Variants in DENND6A observed in about 807,000 individuals in gnomAD.
DENND6A encodes DENN domain containing 6A, also known as protein DENND6A.
Under a neutral mutation model 95.5 loss-of-function variants are expected in DENND6A, and 43 were observed. The observed-to-expected ratio is 0.45, with a 90% CI of 0.35 to 0.58. The LOEUF is 0.58. DENND6A is among the 20% of genes least tolerant of loss of function. The pLI, the probability that DENND6A is intolerant of heterozygous loss-of-function variation, is 0.00. For missense variants in DENND6A, 574 were observed against 736.0 expected, an observed-to-expected ratio of 0.78 and a Z score of 2.55; for synonymous variants, 257 against 260.4, an observed-to-expected ratio of 0.99 and a Z score of 0.13.
intron 15 of DENND6A, among the ~76,000 whole-genome samples, chr3:57,632,028 T>G (rs2070693612): frequency 7.8e-6 from 1 of 128,250 alleles, no homozygotes; most frequent in African/African-American, 2.9e-5. Context: ...GGCCTTTTTT[T>G]TTTTTTTTTT....
At chr3:57,650,439 C>A (rs2071181327) in intron 9 of DENND6A, among the ~76,000 whole-genome samples, 1 of 151,714 alleles carries the variant, frequency 6.6e-6, no homozygotes, top group Non-Finnish European at 1.5e-5. Context: ...CACACACACA[C>A]ACACACATAC....
In DENND6A at chr3:57,627,131, A is replaced by C. The variant is rs2070548844; in HGVS notation, c.*1083T>G. Reference sequence around the variant, plus strand: ...AGTTTAAACATTTAATAATATTTAAATTAGTATTTATTTAATTTTTTATTT... The same window carrying C: ...AGTTTAAACATTTAATAATATTTAACTTAGTATTTATTTAATTTTTTATTT... On this transcript the variant is annotated 3_prime_UTR_variant, in exon 20 of 20. Transcript: ENST00000311128. 6.6e-6 allele frequency: 1 copy of C among 152,110 alleles called. No homozygotes were observed. Among genetic ancestry groups the C allele is most frequent in the Non-Finnish European group, 1.5e-5 (1 of 68,028 alleles). The allele number at this position is 152,110 out of a possible 1,614,324, so 9.4% of individuals were successfully genotyped here.
chr3:57,673,213 C>CAAAAAAAAAAAAA (rs386396751), intron 1 of DENND6A, among the ~76,000 whole-genome samples: 2 of 70,632 alleles, frequency 2.8e-5, no homozygotes, highest in Non-Finnish European at 2.4e-5. Context: ...CATTTCGTAT[C>CAAAAAAAAAAAAA]AAAAAAAAAA....
intron 18 of DENND6A, among the ~76,000 whole-genome samples, chr3:57,629,369 A>G (rs1053819721): frequency 1.3e-5 from 2 of 152,182 alleles, no homozygotes; most frequent in South Asian, 4.1e-4. Flanking sequence ...GTTTATGAGT[A>G]GAAAGTTAAC....
chr3:57,667,230 A>G (rs554824472), intron 3 of DENND6A, among the ~76,000 whole-genome samples: 2 of 152,156 alleles, frequency 1.3e-5, no homozygotes, highest in South Asian at 4.1e-4. Flanking sequence ...GGGTTTCACC[A>G]TGTTGGCCAG....
intron 1 of DENND6A, among the ~76,000 whole-genome samples, chr3:57,687,039 C>A (rs1357258100): frequency 1.3e-5 from 2 of 152,026 alleles, no homozygotes; most frequent in Non-Finnish European, 2.9e-5. Flanking sequence ...TTCTTTTTTT[C>A]TATGCAACAG....
intron 14 of DENND6A, 31 bp from the exon 15 acceptor site, chr3:57,633,385 T>A: frequency 6.4e-7 from 1 of 1,550,656 alleles, no homozygotes. Context: ...GAATCTGTAT[T>A]CTAGTGTTGG....
chr3:57,691,669 CAAAAA>C (rs71091304), intron 1 of DENND6A, among the ~76,000 whole-genome samples: 11 of 93,590 alleles, frequency 1.2e-4, no homozygotes, highest in South Asian at 3.7e-4. Context: ...TCACCAATAC[CAAAAA>C]AAAAAAAAAA....
chr3:57,676,846 C>CA (rs1325059423), intron 1 of DENND6A, among the ~76,000 whole-genome samples: 2 of 151,748 alleles, frequency 1.3e-5, no homozygotes, highest in African/African-American at 4.8e-5. Context: ...TTTTTTGAGA[C>CA]AGAGTCTCGC....
At chr3:57,634,416 G>C (rs1311313271) in intron 14 of DENND6A, 142 bp downstream of exon 14, 2 of 364,678 alleles carry the variant, frequency 5.5e-6, no homozygotes, top group African/African-American at 4.9e-5. Flanking sequence ...CTGGGTGATA[G>C]AGTGAGACTC....
intron 9 of DENND6A, among the ~76,000 whole-genome samples, chr3:57,653,701 G>A (rs1263922084): frequency 6.9e-6 from 1 of 144,632 alleles, no homozygotes; most frequent in Non-Finnish European, 1.5e-5. Flanking sequence ...AGCCGAGATC[G>A]CACCACTGCA....
rs776728330 is a variant in DENND6A at position 57,633,352 on chromosome 3, A to G, written c.1266T>C (p.Gly422=). ...CCTCAGAAGGACGTTTCTGTTGTAC[A>G]CCCTTAAAAGAGGAAATAATGAGAA... ...DEEIIKQLQK[G]VQQKRPSEAQ... The change falls in exon 15 of 20, where the codon GGT becomes GGC. Residue 422 remains glycine, a splice_region_variant and synonymous_variant. Transcript: ENST00000311128. 40 of 1,612,722 alleles carry G rather than the reference A, an allele frequency of 2.5e-5. 2 individuals are homozygous for G. In the Middle Eastern group the frequency reaches 4.8e-3, roughly 193 times the overall value.
At chr3:57,683,093 C>A (rs2077181219) in intron 1 of DENND6A, among the ~76,000 whole-genome samples, 1 of 152,180 alleles carries the variant, frequency 6.6e-6, no homozygotes, top group East Asian at 1.9e-4. Context: ...CTTATTATGG[C>A]CTATGCAAAT....
rs779758729 is a variant in DENND6A, at chr3:57,628,267, A to G, written c.1774T>C (p.Leu592=). The G allele has an allele frequency of 6.2e-7, 1 of 1,614,148 alleles. No individual in the cohort carries two copies. The highest frequency in any genetic ancestry group is 1.1e-5 in the South Asian group (1 of 91,076). ...KLRTHIDAII[L]ALPEDLQGIL... ...CCTTGCAAGTCCTCTGGCAATGCTA[A>G]GATAATGGCATCTATGTGTGTCCGT... is the stretch of plus-strand genomic sequence containing the variant. Residue 592 remains leucine, a synonymous_variant, in exon 20 of 20, where the codon TTA becomes CTA. Coordinates refer to ENST00000311128, the MANE Select transcript of DENND6A (RefSeq NM_152678.3).
At chr3:57,642,606 A>T (rs11717981) in intron 11 of DENND6A, among the ~76,000 whole-genome samples, 64,476 of 151,726 alleles carry the variant, frequency 0.42, 14,170 homozygotes, top group East Asian at 0.55. Context: ...CGATCATTAG[A>T]GCCATGTTAG....
chr3:57,628,545 T>G (rs1010271239), intron 19 of DENND6A, among the ~76,000 whole-genome samples, 200 bp from the exon 20 acceptor site: 4 of 152,204 alleles, frequency 2.6e-5, no homozygotes, highest in Admixed American at 6.5e-5. Flanking sequence ...TCTATGTAAA[T>G]TCATAATAAT....
chr3:57,656,594 CT>C (rs11302760), intron 9 of DENND6A, among the ~76,000 whole-genome samples: 57,772 of 148,428 alleles, frequency 0.39, 12,344 homozygotes, highest in South Asian at 0.56. Context: ...ACTAACCAAT[CT>C]TTTTTTTTTT....
chr3:57,690,047 G>GA (rs68096897), intron 1 of DENND6A, among the ~76,000 whole-genome samples: 37 of 137,748 alleles, frequency 2.7e-4, no homozygotes, highest in African/African-American at 3.8e-4. Flanking sequence ...TGTCTCTAAG[G>GA]AAAAAAAAAA....
chr3:57,634,869 G>T, intron 12 of DENND6A, 100 bp from the exon 13 acceptor site: 1 of 966,222 alleles, frequency 1.0e-6, no homozygotes, highest in Non-Finnish European at 1.4e-6. Context: ...ACTTAAGTAT[G>T]TTATAATGAA....
Sources: allele counts gnomAD v4.1 joint callset (sites outside exome capture counted in the v4.1 genomes callset), GRCh38; gene constraint gnomAD v4.1.1; transcripts MANE v1.5; gene names NCBI Gene and HGNC (gene_info 2026-07-23, HGNC 2026-07-21).